The following TCF3 variants were observed in gnomAD, a reference collection of about 807,000 sequenced individuals.
TCF3 encodes transcription factor 3, also known as transcription factor E2-alpha.
Under a neutral mutation model 72.3 loss-of-function variants are expected in TCF3, and 54 were observed. That is an observed-to-expected ratio of 0.75 (90% CI 0.60 to 0.94). The LOEUF (loss-of-function observed/expected upper bound fraction) is 0.94, where lower values mean the gene tolerates loss of function less well. Ranked by LOEUF, TCF3 falls within the 40% of genes least tolerant of loss-of-function variation. The probability of loss-of-function intolerance (pLI) is 0.00; values close to 1 mark genes in which losing one functional copy is unlikely to be tolerated. For missense variants in TCF3, 1,078 were observed against 934.4 expected (o/e 1.15, Z -2.00); for synonymous variants, 525 against 412.6 (o/e 1.27, Z -3.30).
rs750644305 is a variant in TCF3, at chr19:1,622,423, C to A, written c.550-8G>T. ...TGAGCTGGGTGGGTACACCTGCGGG[C>A]GGGTGGGCGGTGGGGGGTGCAGTCA... is the stretch of plus-strand genomic sequence containing the variant. On this transcript the variant is annotated splice_region_variant and splice_polypyrimidine_tract_variant and intron_variant, in intron 8 of 18. Transcript: ENST00000262965. 4.7e-6 allele frequency: 2 copies of A among 429,126 alleles called. No individual in the cohort carries two copies. Among genetic ancestry groups the A allele is most frequent in the Admixed American group, 3.9e-5 (1 of 25,570 alleles). 26.6% of individuals were successfully genotyped at this position (429,126 alleles called of 1,614,324 possible).
At chr19:1,621,277 A>T in intron 11 of TCF3, 86 bp from the exon 12 acceptor site, 1 of 1,439,580 alleles carries the variant, frequency 6.9e-7, no homozygotes, top group Non-Finnish European at 9.3e-7. Context: ...GCCGTCCTGC[A>T]CAGACACTGC....
intron 3 of TCF3, 134 bp downstream of exon 3, chr19:1,646,221 C>G: frequency 1.0e-6 from 1 of 988,094 alleles, no homozygotes; most frequent in Non-Finnish European, 1.5e-6. Context: ...CTCGCTGCCC[C>G]CGACCCGGCC....
intron 3 of TCF3, among the ~76,000 whole-genome samples, chr19:1,644,855 G>C (rs941226995): frequency 2.0e-5 from 3 of 151,872 alleles, no homozygotes; most frequent in African/African-American, 7.3e-5. Context: ...AGGCCCAGGA[G>C]AATGGGGGTG....
intron 1 of TCF3, among the ~76,000 whole-genome samples, chr19:1,651,693 C>T (rs2067096537): frequency 6.6e-6 from 1 of 151,992 alleles, no homozygotes; most frequent in Non-Finnish European, 1.5e-5. Flanking sequence ...AGCCGGACCC[C>T]CCTCCCCCCG....
intron 8 of TCF3, among the ~76,000 whole-genome samples, chr19:1,623,501 A>G (rs1187202757): frequency 1.3e-5 from 2 of 150,698 alleles, no homozygotes; most frequent in African/African-American, 4.9e-5. Context: ...CTTCTGCCTC[A>G]GCCTCCCAAG....
chr19:1,614,718 G>A lies in TCF3; in HGVS notation c.1822+567C>T, dbSNP rs2061379708. On this transcript the variant is annotated intron_variant, in intron 18 of 18. Coordinates refer to ENST00000262965, the MANE Select transcript of TCF3 (RefSeq NM_003200.5). The surrounding 1 kb of genome is among the most constrained non-coding windows in gnomAD (Gnocchi z 5.6). ...GGGAAGGAGTCAGCTCACATCTGCG[G>A]GTGGGGACAGGGTCTGTCTGTATCC... Among the ~76,000 whole-genome samples, 1 of 152,122 alleles carries A rather than the reference G, an allele frequency of 6.6e-6. No individual in the cohort carries two copies. Among genetic ancestry groups the A allele is most frequent in the Non-Finnish European group, 1.5e-5 (1 of 68,004 alleles).
chr19:1,619,587 G>A (rs1031751908), intron 14 of TCF3, 113 bp from the exon 15 acceptor site: 157 of 1,433,652 alleles, frequency 1.1e-4, no homozygotes, highest in Non-Finnish European at 1.2e-4. Flanking sequence ...CCCTTCCCCA[G>A]GAAGCTGCAT....
rs1232710766 is a variant in TCF3, at chr19:1,610,923, CCGGG to C, written c.*780_*783del. 3 of 34,616 alleles carry C rather than the reference CCGGG, an allele frequency of 8.7e-5. No homozygotes were observed. The highest frequency in any genetic ancestry group is 4.0e-4 in the African/African-American group (3 of 7,484). 2.1% of individuals were successfully genotyped at this position (34,616 alleles called of 1,614,324 possible). ...CCGTTCTGTCTGTGTGCAGTGGCTTCCGGGGGGGGGGGGGGACGGGGGGGCTCAG... is the reference window on the plus strand; with the variant it reads ...CCGTTCTGTCTGTGTGCAGTGGCTTCGGGGGGGGGGGACGGGGGGGCTCAG... On this transcript the variant is annotated 3_prime_UTR_variant, in exon 19 of 19. Transcript: ENST00000262965.
intron 3 of TCF3, among the ~76,000 whole-genome samples, chr19:1,632,955 C>T (rs1013147213): frequency 4.6e-5 from 7 of 152,218 alleles, no homozygotes; most frequent in African/African-American, 1.7e-4. Flanking sequence ...GCTCACCCAT[C>T]GGGCAGGAGG....
intron 3 of TCF3, among the ~76,000 whole-genome samples, chr19:1,633,458 C>T (rs1361515387): frequency 6.6e-6 from 1 of 152,090 alleles, no homozygotes; most frequent in Non-Finnish European, 1.5e-5. Context: ...GGCTCCCCCG[C>T]CCCGCCCCCT....
chr19:1,641,347 T>C (rs946401252), intron 3 of TCF3, among the ~76,000 whole-genome samples: 3 of 152,144 alleles, frequency 2.0e-5, no homozygotes, highest in Non-Finnish European at 2.9e-5. Context: ...CTGGGCACAG[T>C]GGCTCACACA....
At chr19:1,624,075 A>C in intron 7 of TCF3, 75 bp from the exon 8 acceptor site, 1 of 1,462,072 alleles carries the variant, frequency 6.8e-7, no homozygotes, top group East Asian at 2.3e-5. Flanking sequence ...TGGAGGAGAG[A>C]CCCTCACAAT....
intron 5 of TCF3, 99 bp downstream of exon 5, chr19:1,631,939 C>A (rs1340193946): frequency 1.9e-6 from 3 of 1,548,584 alleles, no homozygotes; most frequent in Admixed American, 3.9e-5. Context: ...TGGGTGAACG[C>A]TGGGGACTTG....
intron 1 of TCF3, chr19:1,650,647 T>C (rs760919599): frequency 2.4e-5 from 6 of 245,316 alleles, no homozygotes; most frequent in South Asian, 1.7e-4. Context: ...ACTCTCTCAT[T>C]TCCAACCAAC....
intron 3 of TCF3, among the ~76,000 whole-genome samples, chr19:1,645,126 T>A (rs1437856298): frequency 2.0e-5 from 3 of 151,842 alleles, no homozygotes; most frequent in Non-Finnish European, 2.9e-5. Flanking sequence ...AGTGCCCAAG[T>A]ACAGAACCCC....
At chr19:1,642,234 A>G (rs1479345329) in intron 3 of TCF3, among the ~76,000 whole-genome samples, 4 of 151,232 alleles carry the variant, frequency 2.6e-5, no homozygotes, top group African/African-American at 9.8e-5. Flanking sequence ...ACAGACACGC[A>G]CGCGCAGACG....
intron 16 of TCF3, among the ~76,000 whole-genome samples, chr19:1,617,652 C>T (rs951621118): frequency 9.2e-5 from 14 of 152,238 alleles, no homozygotes; most frequent in Admixed American, 3.3e-4. Context: ...AATCGGCCAA[C>T]GCCAGCCACC....
intron 5 of TCF3, among the ~76,000 whole-genome samples, chr19:1,627,809 G>A (rs2063104235): frequency 2.5e-5 from 3 of 121,394 alleles, no homozygotes; most frequent in East Asian, 2.5e-4. Flanking sequence ...GAGCTCACAG[G>A]GGGTGAGGCG....
chr19:1,635,550 T>C (rs10419084), intron 3 of TCF3, among the ~76,000 whole-genome samples: 1,689 of 151,788 alleles, frequency 0.011, 34 homozygotes, highest in African/African-American at 0.038. Context: ...CCTCTTTGTC[T>C]GCAGCACTGC....
Sources: allele counts gnomAD v4.1 joint callset (sites outside exome capture counted in the v4.1 genomes callset), GRCh38; gene constraint gnomAD v4.1.1; non-coding constraint Gnocchi (gnomAD v3.1); transcripts MANE v1.5; gene names NCBI Gene and HGNC (gene_info 2026-07-23, HGNC 2026-07-21).